Variants in FHIP2A observed in about 807,000 individuals in gnomAD.
FHIP2A encodes the protein FHF complex subunit HOOK interacting protein 2A.
Under a neutral mutation model 93.5 loss-of-function variants are expected in FHIP2A, and 46 were observed. That is an observed-to-expected ratio of 0.49 (90% CI 0.39 to 0.63). The LOEUF (loss-of-function observed/expected upper bound fraction) is 0.63, where lower values mean the gene tolerates loss of function less well. FHIP2A is among the 20% of genes least tolerant of loss of function. The pLI is 0.00. For synonymous variants in FHIP2A, 332 were observed against 326.5 expected, an observed-to-expected ratio of 1.02 and a Z score of -0.18; for missense variants, 769 against 909.7, an observed-to-expected ratio of 0.85 and a Z score of 1.99.
chr10:114,874,982 G>C (rs1485556636), intron 16 of FHIP2A, among the ~76,000 whole-genome samples: 1 of 152,218 alleles, frequency 6.6e-6, no homozygotes, highest in African/African-American at 2.4e-5. Context: ...CGTTGGTTTT[G>C]TACATTCGTG....
intron 16 of FHIP2A, among the ~76,000 whole-genome samples, chr10:114,890,078 C>T (rs867853925): frequency 6.6e-6 from 1 of 152,038 alleles, no homozygotes; most frequent in African/African-American, 2.4e-5. Flanking sequence ...CCCAGGCTGG[C>T]GTGCAGTGGC....
intron 14 of FHIP2A, among the ~76,000 whole-genome samples, chr10:114,857,314 C>CTTTTTT (rs78583275): frequency 8.3e-6 from 1 of 120,726 alleles, no homozygotes; most frequent in African/African-American, 3.0e-5. Context: ...ATTTCTTCTT[C>CTTTTTT]TTTTTTTTTT....
At chr10:114,844,170 A>G (rs2083686692) in intron 7 of FHIP2A, among the ~76,000 whole-genome samples, 3 of 152,318 alleles carry the variant, frequency 2.0e-5, no homozygotes, top group East Asian at 3.9e-4. Context: ...TTACTGATCA[A>G]TTTTTAAGGG....
At chr10:114,885,784 T>C (rs1399236493) in intron 16 of FHIP2A, among the ~76,000 whole-genome samples, 1 of 152,214 alleles carries the variant, frequency 6.6e-6, no homozygotes, top group East Asian at 1.9e-4. Flanking sequence ...GCTGTGGGTA[T>C]TGGAAGACCC....
At chr10:114,825,043 A>G (rs536164773) in intron 1 of FHIP2A, among the ~76,000 whole-genome samples, 22 of 152,212 alleles carry the variant, frequency 1.4e-4, no homozygotes, top group African/African-American at 5.3e-4. Context: ...ATTTTTCGAG[A>G]CAGGGTCTCT....
chr10:114,827,689 C>T (rs1476860163), intron 1 of FHIP2A, among the ~76,000 whole-genome samples: 2 of 148,322 alleles, frequency 1.3e-5, no homozygotes, highest in African/African-American at 5.0e-5. Flanking sequence ...CCCAGCTACT[C>T]GGGAGGCTGA....
chr10:114,843,676 A>G, intron 6 of FHIP2A, 65 bp from the exon 7 acceptor site: 2 of 1,206,788 alleles, frequency 1.7e-6, no homozygotes, highest in African/African-American at 1.5e-5. Flanking sequence ...TTTATGTTGA[A>G]TGTTTTCAAA....
intron 16 of FHIP2A, among the ~76,000 whole-genome samples, chr10:114,889,885 T>TCC (rs1365217639): frequency 6.6e-6 from 1 of 152,202 alleles, no homozygotes; most frequent in African/African-American, 2.4e-5. Flanking sequence ...CCCTCAAGCA[T>TCC]CTTCAGGGCA....
chr10:114,896,340 G>A (rs60727007), intron 16 of FHIP2A, among the ~76,000 whole-genome samples: 9,845 of 152,136 alleles, frequency 0.065, 834 homozygotes, highest in African/African-American at 0.2. Context: ...TTCTGCCTCA[G>A]GGTAAAATGA....
At chr10:114,891,954 T>C (rs1441375259) in intron 16 of FHIP2A, among the ~76,000 whole-genome samples, 1 of 152,056 alleles carries the variant, frequency 6.6e-6, no homozygotes, top group Non-Finnish European at 1.5e-5. Context: ...CTAACAACCA[T>C]ATATGAAAAT....
Position 114,836,120 on chromosome 10 carries a change from A to T in FHIP2A, c.400-4A>T. 1 of 1,553,822 alleles carries T rather than the reference A, an allele frequency of 6.4e-7. No homozygotes were observed. The highest frequency in any genetic ancestry group is 1.2e-5 in the South Asian group (1 of 82,056). ...TAAAAAGTTAAAAACAATTGTTTTC[A>T]CAGAAATTAATTAGACTCTGTGGTG... On this transcript the variant is annotated splice_polypyrimidine_tract_variant and splice_region_variant and intron_variant, in intron 4 of 16. Transcript: ENST00000369248.
rs1254261862 is a variant in FHIP2A at position 114,846,456 on chromosome 10, CT to C, written c.1398+93del. Reference sequence around the variant, plus strand: ...ACTTCAGATATTTTCAATACAACCTCTTTTATTGGCTTTAGAAATTGAAAGC... The same window carrying C: ...ACTTCAGATATTTTCAATACAACCTCTTTATTGGCTTTAGAAATTGAAAGC... On this transcript the variant is annotated intron_variant, in intron 10 of 16. Coordinates refer to ENST00000369248, the MANE Select transcript of FHIP2A (RefSeq NM_020940.4). 1.9e-5 allele frequency: 27 copies of C among 1,431,470 alleles called. No homozygotes were observed. In the East Asian group the frequency reaches 6.2e-4, roughly 33 times the overall value. The allele number at this position is 1,431,470 out of a possible 1,614,324, so 88.7% of individuals were successfully genotyped here. A position where few individuals can be genotyped will look rare whatever the true frequency, so the allele number is the denominator to read the frequency against.
chr10:114,836,619 T>C (rs1451441004), intron 5 of FHIP2A, among the ~76,000 whole-genome samples: 1 of 152,230 alleles, frequency 6.6e-6, no homozygotes, highest in Non-Finnish European at 1.5e-5. Context: ...GGATGGCATG[T>C]GCAGATTTGG....
chr10:114,857,451 A>T (rs1414536512), intron 14 of FHIP2A, among the ~76,000 whole-genome samples: 1 of 151,754 alleles, frequency 6.6e-6, no homozygotes, highest in Non-Finnish European at 1.5e-5. Context: ...CTGGGATCAC[A>T]GGTGCACACC....
intron 14 of FHIP2A, among the ~76,000 whole-genome samples, chr10:114,857,842 A>G (rs1270214110): frequency 6.6e-6 from 1 of 152,200 alleles, no homozygotes; most frequent in Non-Finnish European, 1.5e-5. Flanking sequence ...ACAAACATTT[A>G]CTATTGTTTG....
intron 5 of FHIP2A, among the ~76,000 whole-genome samples, chr10:114,842,300 A>T (rs904376337): frequency 6.6e-6 from 1 of 152,066 alleles, no homozygotes; most frequent in Non-Finnish European, 1.5e-5. Flanking sequence ...CCTGGGCTCA[A>T]GTGATCCTCC....
At chr10:114,896,070 C>A (rs1220900015) in intron 16 of FHIP2A, among the ~76,000 whole-genome samples, 3 of 152,130 alleles carry the variant, frequency 2.0e-5, no homozygotes, top group Non-Finnish European at 2.9e-5. Flanking sequence ...AAAGGTGTTA[C>A]TCCATGGGCT....
downstream of FHIP2A, among the ~76,000 whole-genome samples, chr10:114,866,750 G>C (rs1172864219): frequency 1.3e-5 from 2 of 152,154 alleles, no homozygotes; most frequent in African/African-American, 4.8e-5. Flanking sequence ...CAAATGGTGT[G>C]AGCCCCAGGG....
In FHIP2A at chr10:114,821,962, C is replaced by A; in HGVS notation, c.-117C>A. The A allele has an allele frequency of 1.9e-6, 1 of 528,826 alleles. No individual in the cohort carries two copies. Among genetic ancestry groups the A allele is most frequent in the Non-Finnish European group, 2.8e-6 (1 of 352,452 alleles). The allele number at this position is 528,826 out of a possible 1,614,324, so 32.8% of individuals were successfully genotyped here. A position where few individuals can be genotyped will look rare whatever the true frequency, so the allele number is the denominator to read the frequency against. ...GCCTCGATCCTCAGCTCGTCCTCCC[C>A]GCCCCGCACCGGCCTTCACTCTGGA... On this transcript the variant is annotated 5_prime_UTR_variant, in exon 1 of 17. Coordinates refer to ENST00000369248, the MANE Select transcript of FHIP2A (RefSeq NM_020940.4).
Sources: gnomAD v4.1 joint callset for allele counts (sites outside exome capture counted in the v4.1 genomes callset) on GRCh38, gnomAD v4.1.1 for gene constraint, MANE v1.5 for transcripts, NCBI Gene and HGNC (gene_info 2026-07-23, HGNC 2026-07-21) for gene names.